Variants in ZFHX2 observed in about 807,000 individuals in gnomAD.
The protein encoded by ZFHX2 is zinc finger homeobox protein 2.
In ZFHX2, 75 loss-of-function variants were observed where a neutral mutation model predicts 164.8. That is an observed-to-expected ratio of 0.46 (90% CI 0.38 to 0.55). The LOEUF is 0.55. ZFHX2 is among the 20% of genes least tolerant of loss of function. The pLI is 0.00. For synonymous variants in ZFHX2, 1,217 were observed against 1,351.4 expected (o/e 0.90, Z 2.18); for missense variants, 2,933 against 3,308.0 (o/e 0.89, Z 2.78).
Position 23,522,653 on chromosome 14 carries a change from C to T in ZFHX2, c.7028G>A (p.Gly2343Asp). The T allele has an allele frequency of 6.5e-7, 1 of 1,536,130 alleles. No homozygotes were observed. The highest frequency in any genetic ancestry group is 8.7e-7 in the Non-Finnish European group (1 of 1,146,784). The change falls in exon 10 of 10, where the codon GGC becomes GAC. Residue 2343 changes from glycine (G) to aspartate (D), a missense_variant. Physicochemically the swap from Gly to Asp is moderately conservative, Grantham distance 94 (BLOSUM62 -1). Transcript: ENST00000419474. ...LKTTVPALLG[G>D]QFLPFPLPPA... The stretch of plus-strand genomic sequence containing the variant: ...GGGCAATGGAAAGGGCAGGAACTGG[C>T]CCCCCAACAGGGCTGGGACAGTGGT...
intron 1 of ZFHX2, among the ~76,000 whole-genome samples, chr14:23,545,610 C>G (rs1462789826): frequency 6.6e-6 from 1 of 152,212 alleles, no homozygotes; most frequent in Non-Finnish European, 1.5e-5. Context: ...AAGTGCACTT[C>G]TTTCCCTAAA....
chr14:23,522,461 G>C lies in ZFHX2; in HGVS notation c.7220C>G (p.Pro2407Arg), dbSNP rs773158112. ...AGGTGCTGTGGCTGTGGGCTCAGGG[G>C]GCTGGGGTGGCGGCTGGAGGAGGGC... ...PNALLQPPPQ[P>R]PEPTATAPPK... The change falls in exon 10 of 10, where the codon CCC (proline) becomes CGC (arginine). Residue 2407 changes from proline to arginine, a missense_variant. Transcript: ENST00000419474. 2.0e-6 allele frequency: 3 copies of C among 1,536,132 alleles called. No individual in the cohort carries two copies. The highest frequency in any genetic ancestry group is 3.3e-4 in the Middle Eastern group (2 of 5,972).
At chr14:23,530,092 G>A in intron 5 of ZFHX2, 28 bp downstream of exon 5, 2 of 1,523,144 alleles carry the variant, frequency 1.3e-6, no homozygotes, top group Non-Finnish European at 1.8e-6. Flanking sequence ...AAGGTAGGAG[G>A]ACTGGGGGGA....
In ZFHX2 at chr14:23,524,550, G is replaced by C; in HGVS notation, c.5392C>G (p.Pro1798Ala). The C allele has an allele frequency of 6.5e-7, 1 of 1,530,746 alleles. No individual in the cohort carries two copies. The highest frequency in any genetic ancestry group is 8.7e-7 in the Non-Finnish European group (1 of 1,143,898). 94.8% of individuals were successfully genotyped at this position (1,530,746 alleles called of 1,614,324 possible). A position where few individuals can be genotyped will look rare whatever the true frequency, so the allele number is the denominator to read the frequency against. The change falls in exon 9 of 10, where the codon CCC (proline) becomes GCC (alanine). Residue 1798 changes from proline (P) to alanine (A), a missense_variant. Coordinates refer to ENST00000419474, the MANE Select transcript of ZFHX2 (RefSeq NM_033400.3). The surrounding 1 kb of genome is among the most constrained non-coding windows in gnomAD (Gnocchi z 5.6). ...RRLHFLPSLQ[P>A]SAPPQLLDLP... The stretch of plus-strand genomic sequence containing the variant: ...TCTAGGAGTTGGGGGGGAGCACTGG[G>C]CTGCAGAGATGGCAGGAAATGTAGT...
intron 5 of ZFHX2, 60 bp from the exon 6 acceptor site, chr14:23,529,828 AG>A: frequency 2.0e-6 from 3 of 1,494,272 alleles, no homozygotes; most frequent in Non-Finnish European, 1.8e-6. Context: ...GATTTGTAGC[AG>A]AGAGCTTCCA....
Position 23,522,010 on chromosome 14 carries a change from C to G in ZFHX2, c.7671G>C (p.Thr2557=). 1.3e-6 allele frequency: 2 copies of G among 1,536,324 alleles called. No individual in the cohort carries two copies. Among genetic ancestry groups the G allele is most frequent in the Middle Eastern group, 1.7e-4 (1 of 5,990 alleles). ...TAGTCGTAGTTTTTGGGTTGGAGTC[C>G]GTGTGAGGTAATCTTGCTTCCTCTT... ...FAKEEARLPH[T]DSNPKTTTTS... The change falls in exon 10 of 10, where the codon ACG becomes ACC. Residue 2557 remains threonine, a synonymous_variant. Coordinates refer to ENST00000419474, the MANE Select transcript of ZFHX2 (RefSeq NM_033400.3).
At position 23,533,742 on chromosome 14, in the gene ZFHX2, C is replaced by A; in HGVS notation, c.1584G>T (p.Gln528His). The change falls in exon 2 of 10, where the codon CAG (glutamine) becomes CAT (histidine). Residue 528 changes from glutamine (Q) to histidine (H), a missense_variant. Coordinates refer to ENST00000419474, the MANE Select transcript of ZFHX2 (RefSeq NM_033400.3). This position sits in a 1 kb window ranked among gnomAD's most constrained non-coding sequence, Gnocchi z 4.8. ...GTAGGTTGGCCAGGTGCTTGTCAGA[C>A]TGCATATGGATGCTGAGGTTGCCTT... ...TTKGNLSIHM[Q>H]SDKHLANLQG... The A allele has an allele frequency of 6.4e-7, 1 of 1,555,948 alleles. No homozygotes were observed.
At chr14:23,541,287 ATT>A (rs34645391) in intron 1 of ZFHX2, among the ~76,000 whole-genome samples, 39 of 129,988 alleles carry the variant, frequency 3.0e-4, no homozygotes, top group Admixed American at 5.4e-4. Flanking sequence ...GATGGACAGG[ATT>A]TTTTTTTTTT....
chr14:23,521,864 A>AG lies in ZFHX2; in HGVS notation c.*97dup. ...CAGTTCCTGTGAGGTGGGCGGGGCCAGGGGGTGGGGTGAGGGATTTGAGCT... is the reference window on the plus strand; with the variant it reads ...CAGTTCCTGTGAGGTGGGCGGGGCCAGGGGGGTGGGGTGAGGGATTTGAGCT... On this transcript the variant is annotated 3_prime_UTR_variant, in exon 10 of 10. Transcript: ENST00000419474. 1 of 1,486,024 alleles carries AG rather than the reference A, an allele frequency of 6.7e-7. No individual in the cohort carries two copies. Among genetic ancestry groups the AG allele is most frequent in the Non-Finnish European group, 8.9e-7 (1 of 1,122,916 alleles). 92.1% of individuals were successfully genotyped at this position (1,486,024 alleles called of 1,614,324 possible).
chr14:23,552,776 T>G (rs1222766162), upstream of ZFHX2, among the ~76,000 whole-genome samples: 2 of 151,854 alleles, frequency 1.3e-5, no homozygotes, highest in Non-Finnish European at 2.9e-5. Flanking sequence ...TAATTTTGTA[T>G]TTTTAGTAGA....
Position 23,533,516 on chromosome 14 carries a change from G to A in ZFHX2, c.1810C>T (p.Leu604=). 1.3e-6 allele frequency: 2 copies of A among 1,536,126 alleles called. No homozygotes were observed. The highest frequency in any genetic ancestry group is 1.2e-5 in the South Asian group (1 of 84,068). Residue 604 remains leucine (L), a synonymous_variant, in exon 2 of 10, where the codon CTG becomes TTG. Coordinates refer to ENST00000419474, the MANE Select transcript of ZFHX2 (RefSeq NM_033400.3). This position sits in a 1 kb window ranked among gnomAD's most constrained non-coding sequence, Gnocchi z 4.8. ...AATCCAGGTGGCAGGCCCAGCGGCA[G>A]CCCCTGGTGCAGCATTAGGACATTC... is the stretch of plus-strand genomic sequence containing the variant. ...MQNVLMLHQG[L]PLGLPPGLMG... is the part of the protein sequence containing the mutation.
chr14:23,531,486 G>A lies in ZFHX2; in HGVS notation c.2795C>T (p.Thr932Ile). The change falls in exon 4 of 10, where the codon ACT (threonine) becomes ATT (isoleucine). Residue 932 changes from threonine (T) to isoleucine (I), a missense_variant. Coordinates refer to ENST00000419474, the MANE Select transcript of ZFHX2 (RefSeq NM_033400.3). The stretch of plus-strand genomic sequence containing the variant: ...TCCAGTCCCTTCTTCCTCACCGGGA[G>A]TCCGGAGCTGCCCGTGGCTGAAGCT... ...ILSFSHGQLR[T>I]PGKAPVTPLA... is the part of the protein sequence containing the mutation. The A allele has an allele frequency of 7.1e-7, 1 of 1,415,780 alleles. No homozygotes were observed. The highest frequency in any genetic ancestry group is 9.3e-7 in the Non-Finnish European group (1 of 1,077,466). 87.7% of individuals were successfully genotyped at this position (1,415,780 alleles called of 1,614,324 possible).
chr14:23,526,544 G>A lies in ZFHX2; in HGVS notation c.3398C>T (p.Pro1133Leu). The A allele has an allele frequency of 6.5e-7, 1 of 1,535,934 alleles. No individual in the cohort carries two copies. Among genetic ancestry groups the A allele is most frequent in the Non-Finnish European group, 8.7e-7 (1 of 1,146,854 alleles). Reference protein sequence around the residue: ...PSPAPSPVPEPDAQAEDVAPP... With the variant: ...PSPAPSPVPELDAQAEDVAPP... ...AGCTACGTCTTCAGCTTGGGCATCA[G>A]GTTCAGGGACTGGAGATGGGGCTGG... is the stretch of plus-strand genomic sequence containing the variant. Residue 1133 changes from proline (P) to leucine (L), a missense_variant, in exon 9 of 10, where the codon CCT becomes CTT. Pro to Leu is a moderately conservative substitution (Grantham distance 98). Transcript: ENST00000419474.
intron 1 of ZFHX2, chr14:23,543,247 A>AGG (rs1881023358): frequency 6.6e-6 from 1 of 152,260 alleles, no homozygotes; most frequent in Non-Finnish European, 1.5e-5. Flanking sequence ...AATCTGATGC[A>AGG]ATAGATGTAG....
Position 23,527,890 on chromosome 14 carries a change from C to T in ZFHX2, c.2935-86G>A, listed in dbSNP as rs548024362. 4.8e-4 allele frequency: 544 copies of T among 1,144,818 alleles called. 6 individuals are homozygous for T. The South Asian group carries it at 7.7e-3, about 16-fold the overall frequency. 70.9% of individuals were successfully genotyped at this position (1,144,818 alleles called of 1,614,324 possible). A position where few individuals can be genotyped will look rare whatever the true frequency, so the allele number is the denominator to read the frequency against. On this transcript the variant is annotated intron_variant, in intron 6 of 9. Coordinates refer to ENST00000419474, the MANE Select transcript of ZFHX2 (RefSeq NM_033400.3). ...TAGTCCTTTGGATGCAGCACTGGCC[C>T]GCCCCCACTCCTTTTTTTTTTTTTT...
At position 23,523,698 on chromosome 14, in the gene ZFHX2, C is replaced by G; in HGVS notation, c.6244G>C (p.Ala2082Pro). The change falls in exon 9 of 10, where the codon GCC becomes CCC. Residue 2082 changes from alanine (A) to proline (P), a missense_variant. By Grantham distance (27) the Ala-to-Pro change is conservative (BLOSUM62 -1). Coordinates refer to ENST00000419474, the MANE Select transcript of ZFHX2 (RefSeq NM_033400.3). This position sits in a 1 kb window ranked among gnomAD's most constrained non-coding sequence, Gnocchi z 4.1. ...MSSLQLKIMK[A>P]CYEAYRTPTM... ...GGGGTGCGGTAAGCTTCATAGCAGG[C>G]TTTCATGATCTTCAGCTGCAGGCTG... 6.5e-7 allele frequency: 1 copy of G among 1,537,034 alleles called. No individual in the cohort carries two copies. The highest frequency in any genetic ancestry group is 8.7e-7 in the Non-Finnish European group (1 of 1,147,210).
chr14:23,534,836 A>AG lies in ZFHX2; in HGVS notation c.489dup (p.Ser164LeufsTer13). ...TGGATGTGAAGGGCAGTGAGGTGTG[A>AG]GGGGGGTGGGTAGGCAAGGAAGGGC... On this transcript the variant is annotated frameshift_variant, in exon 2 of 10. Coordinates refer to ENST00000419474, the MANE Select transcript of ZFHX2 (RefSeq NM_033400.3). LOFTEE classifies it high-confidence loss of function. The surrounding 1 kb of genome is among the most constrained non-coding windows in gnomAD (Gnocchi z 4.5). 1.3e-6 allele frequency: 2 copies of AG among 1,536,064 alleles called. No individual in the cohort carries two copies. The highest frequency in any genetic ancestry group is 1.7e-6 in the Non-Finnish European group (2 of 1,146,868).
chr14:23,522,949 G>A lies in ZFHX2; in HGVS notation c.6740-8C>T, dbSNP rs141135525. The A allele has an allele frequency of 3.5e-6, 5 of 1,437,780 alleles. No homozygotes were observed. In the East Asian group the frequency reaches 1.3e-4, roughly 36 times the overall value. The allele number at this position is 1,437,780 out of a possible 1,614,324, so 89.1% of individuals were successfully genotyped here. A position where few individuals can be genotyped will look rare whatever the true frequency, so the allele number is the denominator to read the frequency against. On this transcript the variant is annotated splice_polypyrimidine_tract_variant and splice_region_variant and intron_variant, in intron 9 of 9. Transcript: ENST00000419474. ...CTGAGGAGGCTGCCGGGCCTAGAAA[G>A]GTGAAAGGAAGGATGAAGGATTAGC...
intron 1 of ZFHX2, among the ~76,000 whole-genome samples, chr14:23,549,152 C>A (rs1881700874): frequency 6.6e-6 from 1 of 152,084 alleles, no homozygotes. Flanking sequence ...CTTCCTTTTA[C>A]CTTCTGTATT....
Sources: gnomAD v4.1 joint callset for allele counts (sites outside exome capture counted in the v4.1 genomes callset) on GRCh38, gnomAD v4.1.1 for gene constraint, Gnocchi (gnomAD v3.1) non-coding constraint, MANE v1.5 for transcripts, NCBI Gene and HGNC (gene_info 2026-07-23, HGNC 2026-07-21) for gene names.